ZNF90: variants seen among roughly 807,000 people sequenced by gnomAD.
ZNF90 encodes the protein zinc finger protein 90.
Under a neutral mutation model 12.0 loss-of-function variants are expected in ZNF90, and 11 were observed. The observed-to-expected ratio is 0.92, with a 90% CI of 0.58 to 1.52. The LOEUF is 1.52. ZNF90 is among the 40% of genes most tolerant of loss of function. ZNF90 has a pLI of 0.00. For synonymous variants in ZNF90, 232 were observed against 240.1 expected, an observed-to-expected ratio of 0.97 and a Z score of 0.31; for missense variants, 765 against 711.5, an observed-to-expected ratio of 1.08 and a Z score of -0.86.
At chr19:20,085,177 CT>C (rs1197684753) in intron 1 of ZNF90, among the ~76,000 whole-genome samples, 5 of 152,168 alleles carry the variant, frequency 3.3e-5, no homozygotes, top group South Asian at 4.1e-4. Flanking sequence ...TGAAACAATT[CT>C]TCCCACATTC....
rs1555705896 is a variant in ZNF90 at position 20,118,060 on chromosome 19, G to A, written c.506G>A (p.Gly169Glu). The change falls in exon 4 of 4, where the codon GGA (glycine) becomes GAA (glutamate). Residue 169 changes from glycine (G) to glutamate (E), a missense_variant. Gly to Glu is a moderately conservative substitution (Grantham distance 98, BLOSUM62 -2). Transcript: ENST00000418063. ...AACAGACATAAGATAAGAGATACTG[G>A]AAAAAAACCTTTCAAATGTATAGAA... ...NSNRHKIRDT[G>E]KKPFKCIECG... 6.2e-7 allele frequency: 1 copy of A among 1,612,632 alleles called. No homozygotes were observed. The highest frequency in any genetic ancestry group is 1.1e-5 in the South Asian group (1 of 90,984).
intron 1 of ZNF90, among the ~76,000 whole-genome samples, chr19:20,090,316 A>G (rs765539037): frequency 2.6e-5 from 4 of 152,118 alleles, no homozygotes; most frequent in Non-Finnish European, 5.9e-5. Context: ...ACCTAATAGA[A>G]TGAAGGGATG....
rs1568295817 is a variant in ZNF90 at position 20,120,429 on chromosome 19, AACCCTGAAGCAGTTGCTCC to A, written c.*1071_*1089del. Among the ~76,000 whole-genome samples, 1 of 152,192 alleles carries A rather than the reference AACCCTGAAGCAGTTGCTCC, an allele frequency of 6.6e-6. No homozygotes were observed. The highest frequency in any genetic ancestry group is 1.5e-5 in the Non-Finnish European group (1 of 68,026). On this transcript the variant is annotated 3_prime_UTR_variant, in exon 4 of 4. Coordinates refer to ENST00000418063, the MANE Select transcript of ZNF90 (RefSeq NM_007138.2). ...TTGCACACATTTTGTACTAGAGGAA[AACCCTGAAGCAGTTGCTCC>A]AGCTTTGTTCAACAACAGGGAATTT...
chr19:20,105,674 T>C (rs1568288863), intron 3 of ZNF90, among the ~76,000 whole-genome samples: 2 of 152,202 alleles, frequency 1.3e-5, no homozygotes, highest in Non-Finnish European at 2.9e-5. Flanking sequence ...TTTTTAGTCT[T>C]TTTGCATCAG....
intron 1 of ZNF90, among the ~76,000 whole-genome samples, chr19:20,091,189 A>G (rs899907552): frequency 4.4e-4 from 67 of 152,162 alleles, no homozygotes; most frequent in Admixed American, 5.9e-4. Flanking sequence ...GCATGTGAGT[A>G]AAGTCAATTT....
At chr19:20,095,777 G>T (rs1295407089) in intron 1 of ZNF90, among the ~76,000 whole-genome samples, 3 of 152,038 alleles carry the variant, frequency 2.0e-5, no homozygotes, top group African/African-American at 7.2e-5. Context: ...AAGGAGAAGG[G>T]GTTGAGGGGT....
At position 20,119,269 on chromosome 19, in the gene ZNF90, A is replaced by G; in HGVS notation, c.1715A>G (p.Lys572Arg). The change falls in exon 4 of 4, where the codon AAA (lysine) becomes AGA (arginine). Residue 572 changes from lysine (K) to arginine (R), a missense_variant. Coordinates refer to ENST00000418063, the MANE Select transcript of ZNF90 (RefSeq NM_007138.2). ...EKPYKCEECG[K>R]AFNLSSDLNT... ...CCCTACAAATGTGAAGAATGTGGCAAAGCTTTTAACTTGTCCTCAGACCTT... is the reference window on the plus strand; with the variant it reads ...CCCTACAAATGTGAAGAATGTGGCAGAGCTTTTAACTTGTCCTCAGACCTT... 6.2e-7 allele frequency: 1 copy of G among 1,613,876 alleles called. No individual in the cohort carries two copies. Among genetic ancestry groups the G allele is most frequent in the Non-Finnish European group, 8.5e-7 (1 of 1,179,894 alleles).
chr19:20,093,745 A>C (rs2088920779), intron 1 of ZNF90, among the ~76,000 whole-genome samples: 1 of 152,182 alleles, frequency 6.6e-6, no homozygotes, highest in Admixed American at 6.5e-5. Flanking sequence ...CAGGCCCTTG[A>C]AAAGAAGGCA....
rs1429291590 is a variant in ZNF90, at chr19:20,118,408, A to G, written c.854A>G (p.Tyr285Cys). The change falls in exon 4 of 4, where the codon TAC becomes TGC. Residue 285 changes from tyrosine (Y) to cysteine (C), a missense_variant. Coordinates refer to ENST00000418063, the MANE Select transcript of ZNF90 (RefSeq NM_007138.2). Reference sequence around the variant, plus strand: ...AGAATTCATACTGGAGAGAAACCCTACAAGTGTGATAAATGTGGCAGAGCA... The same window carrying G: ...AGAATTCATACTGGAGAGAAACCCTGCAAGTGTGATAAATGTGGCAGAGCA... Reference protein sequence around the residue: ...HKRIHTGEKPYKCDKCGRAFI... With the variant: ...HKRIHTGEKPCKCDKCGRAFI... 6.2e-7 allele frequency: 1 copy of G among 1,610,318 alleles called. No individual in the cohort carries two copies. The highest frequency in any genetic ancestry group is 2.2e-5 in the East Asian group (1 of 44,732).
chr19:20,082,471 G>A (rs111985743), intron 1 of ZNF90, among the ~76,000 whole-genome samples: 8,422 of 152,154 alleles, frequency 0.055, 795 homozygotes, highest in African/African-American at 0.19. Flanking sequence ...AACCCTACCC[G>A]CTACCCTGTG....
At chr19:20,090,663 A>C (rs2088895199) in intron 1 of ZNF90, among the ~76,000 whole-genome samples, 1 of 152,130 alleles carries the variant, frequency 6.6e-6, no homozygotes, top group Non-Finnish European at 1.5e-5. Context: ...AGAAGATTAG[A>C]AGCCTGGTGA....
chr19:20,119,566 G>C lies in ZNF90; in HGVS notation c.*206G>C. ...CCCTTACTACACATAATTCATACTG[G>C]ACGGAAACTCTACAGGTGTGAAAAA... On this transcript the variant is annotated 3_prime_UTR_variant, in exon 4 of 4. Transcript: ENST00000418063. The C allele has an allele frequency of 1.9e-6, 1 of 530,730 alleles. No individual in the cohort carries two copies. Among genetic ancestry groups the C allele is most frequent in the Non-Finnish European group, 3.3e-6 (1 of 305,842 alleles). The allele number at this position is 530,730 out of a possible 1,614,324, so 32.9% of individuals were successfully genotyped here.
intron 1 of ZNF90, among the ~76,000 whole-genome samples, chr19:20,086,201 C>A (rs1038498098): frequency 9.4e-5 from 14 of 149,386 alleles, no homozygotes; most frequent in African/African-American, 3.4e-4. Context: ...AGACTACCTG[C>A]ATTCATATAA....
At chr19:20,111,623 C>A (rs2089089523) in intron 3 of ZNF90, among the ~76,000 whole-genome samples, 1 of 151,822 alleles carries the variant, frequency 6.6e-6, no homozygotes, top group South Asian at 2.1e-4. Flanking sequence ...ATTTTATTTT[C>A]TTAATTTTCA....
At position 20,120,598 on chromosome 19, in the gene ZNF90, A is replaced by G. The variant is rs1458275836; in HGVS notation, c.*1238A>G. 1.3e-5 allele frequency among the ~76,000 whole-genome samples: 2 copies of G among 152,244 alleles called. No individual in the cohort carries two copies. Among genetic ancestry groups the G allele is most frequent in the African/African-American group, 4.8e-5 (2 of 41,466 alleles). ...TGTTTGCAGAAACAGTAAATATAAAAAATATTTAATTCAAAATGAATTCCA... is the reference window on the plus strand; with the variant it reads ...TGTTTGCAGAAACAGTAAATATAAAGAATATTTAATTCAAAATGAATTCCA... On this transcript the variant is annotated 3_prime_UTR_variant, in exon 4 of 4. Transcript: ENST00000418063.
Position 20,119,135 on chromosome 19 carries a change from T to A in ZNF90, c.1581T>A (p.His527Gln), listed in dbSNP as rs1196524563. The change falls in exon 4 of 4, where the codon CAT becomes CAA. Residue 527 changes from histidine (H) to glutamine (Q), a missense_variant. Transcript: ENST00000418063. ...AFKRSSVLSK[H>Q]KIIHTGAKPY... ...AGCGCTCCTCAGTCCTTAGTAAACA[T>A]AAGATAATTCATACTGGAGCGAAAC... 1 of 1,613,058 alleles carries A rather than the reference T, an allele frequency of 6.2e-7. No homozygotes were observed. The highest frequency in any genetic ancestry group is 1.3e-5 in the African/African-American group (1 of 74,808).
intron 1 of ZNF90, among the ~76,000 whole-genome samples, chr19:20,092,524 G>C (rs2122489265): frequency 6.6e-6 from 1 of 152,290 alleles, no homozygotes; most frequent in Admixed American, 6.5e-5. Flanking sequence ...TCAAGGAATG[G>C]AAAGAGGAGT....
chr19:20,100,092 T>G (rs1363018591), intron 1 of ZNF90, among the ~76,000 whole-genome samples: 5 of 152,008 alleles, frequency 3.3e-5, no homozygotes, highest in Non-Finnish European at 7.4e-5. Flanking sequence ...TAGTATGGGG[T>G]AATCCCCTCC....
rs553624665 is a variant in ZNF90, at chr19:20,100,510, C to A, written c.4-3729C>A. Among the ~76,000 whole-genome samples, 5 of 152,308 alleles carry A rather than the reference C, an allele frequency of 3.3e-5. No homozygotes were observed. In the South Asian group the frequency reaches 1.0e-3, roughly 32 times the overall value. ...CTCAGGTGCAGTCCATGACTAAGAT[C>A]TACCATGGACCCCTGGACTGGCCTG... On this transcript the variant is annotated intron_variant, in intron 1 of 3. Transcript: ENST00000418063.
Sources: allele counts gnomAD v4.1 joint callset (sites outside exome capture counted in the v4.1 genomes callset), GRCh38; gene constraint gnomAD v4.1.1; transcripts MANE v1.5; gene names NCBI Gene and HGNC (gene_info 2026-07-23, HGNC 2026-07-21).